ASTN2: variants seen among roughly 807,000 people sequenced by gnomAD.
ASTN2 encodes astrotactin 2.
In ASTN2, 54 loss-of-function variants were observed where a neutral mutation model predicts 139.8. That is an observed-to-expected ratio of 0.39 (90% CI 0.31 to 0.48). The LOEUF (loss-of-function observed/expected upper bound fraction) is 0.48. ASTN2 is among the 20% of genes least tolerant of loss of function. The pLI is 0.95. For synonymous variants in ASTN2, 756 were observed against 719.5 expected, an observed-to-expected ratio of 1.05 and a Z score of -0.81; for missense variants, 1,565 against 1,725.1, an observed-to-expected ratio of 0.91 and a Z score of 1.64.
At chr9:116,701,037 A>C (rs1861145134) in intron 16 of ASTN2, 1 of 167,068 alleles carries the variant, frequency 6.0e-6, no homozygotes, top group Non-Finnish European at 1.5e-5. Flanking sequence ...ACAAAAAGGA[A>C]GTTAGTCTTG....
intron 19 of ASTN2, among the ~76,000 whole-genome samples, chr9:116,597,295 ATCTAT>A (rs1398966340): frequency 1.4e-5 from 1 of 71,584 alleles, no homozygotes; most frequent in Non-Finnish European, 3.0e-5. Context: ...ATGACTTTTG[ATCTAT>A]TTTTTTTTTT....
chr9:116,494,704 T>C (rs1849618059), intron 19 of ASTN2, among the ~76,000 whole-genome samples: 1 of 152,226 alleles, frequency 6.6e-6, no homozygotes, highest in Non-Finnish European at 1.5e-5. Flanking sequence ...TAAAACCTAA[T>C]GAATTCAGTG....
intron 5 of ASTN2, among the ~76,000 whole-genome samples, chr9:117,074,136 G>A (rs1828212075): frequency 6.6e-6 from 1 of 152,076 alleles, no homozygotes; most frequent in Non-Finnish European, 1.5e-5. Flanking sequence ...GGGTTATCTG[G>A]GATTCTTATT....
chr9:117,369,584 G>C (rs1829937048), intron 1 of ASTN2, among the ~76,000 whole-genome samples: 1 of 152,024 alleles, frequency 6.6e-6, no homozygotes, highest in Non-Finnish European at 1.5e-5. Flanking sequence ...AAAGTCATCT[G>C]TCTACTATCT....
chr9:116,427,252 A>G (rs1847338854), intron 22 of ASTN2, among the ~76,000 whole-genome samples: 1 of 152,084 alleles, frequency 6.6e-6, no homozygotes, highest in African/African-American at 2.4e-5. Flanking sequence ...AAGTGTGAAA[A>G]TTCTTTAGAC....
intron 11 of ASTN2, among the ~76,000 whole-genome samples, chr9:116,859,165 T>G (rs560539582): frequency 6.6e-6 from 1 of 152,350 alleles, no homozygotes; most frequent in East Asian, 1.9e-4. Flanking sequence ...ATTCAAGATA[T>G]TCTCGCTCTT....
chr9:117,240,645 G>A (rs1164185746), intron 2 of ASTN2, among the ~76,000 whole-genome samples: 1 of 152,166 alleles, frequency 6.6e-6, no homozygotes, highest in Non-Finnish European at 1.5e-5. Flanking sequence ...CTACCCCATA[G>A]ATAAACCTTC....
chr9:116,539,452 A>G lies in ASTN2; in HGVS notation c.3356-51952T>C, dbSNP rs1001410532. The stretch of plus-strand genomic sequence containing the variant: ...AGAGAGGACAATAGTATATGGAAAA[A>G]AAATTTAAAGACTGAGTCAAAAAGT... On this transcript the variant is annotated intron_variant, in intron 19 of 22. Coordinates refer to ENST00000313400, the MANE Select transcript of ASTN2 (RefSeq NM_001365068.1). Among the ~76,000 whole-genome samples the G allele has an allele frequency of 8.5e-5, 13 of 152,218 alleles. 1 individual carries two copies.
intron 13 of ASTN2, among the ~76,000 whole-genome samples, chr9:116,804,601 G>T (rs1212894021): frequency 6.6e-6 from 1 of 152,010 alleles, no homozygotes; most frequent in Non-Finnish European, 1.5e-5. Flanking sequence ...TTAGTAGTTA[G>T]TAGTAAAGAA....
intron 6 of ASTN2, among the ~76,000 whole-genome samples, chr9:117,028,800 C>G (rs1838169951): frequency 6.6e-6 from 1 of 152,158 alleles, no homozygotes; most frequent in African/African-American, 2.4e-5. Flanking sequence ...AATGTGATGG[C>G]TGCATAAGGA....
chr9:117,364,417 G>A (rs1332869729), intron 1 of ASTN2, among the ~76,000 whole-genome samples: 1 of 152,212 alleles, frequency 6.6e-6, no homozygotes, highest in African/African-American at 2.4e-5. Flanking sequence ...TGGGCCAGGT[G>A]AGTCTTTCTG....
At chr9:116,445,801 G>C (rs1161754230) in intron 20 of ASTN2, among the ~76,000 whole-genome samples, 1 of 152,206 alleles carries the variant, frequency 6.6e-6, no homozygotes, top group Non-Finnish European at 1.5e-5. Context: ...AATAGGCCCA[G>C]TTCAATCTTT....
chr9:116,805,842 A>G (rs1311687768), intron 12 of ASTN2, 22 bp from the exon 13 acceptor site: 1 of 1,607,118 alleles, frequency 6.2e-7, no homozygotes, highest in African/African-American at 1.3e-5. Flanking sequence ...AACAGAGCTC[A>G]GAATTAGCTT....
intron 16 of ASTN2, among the ~76,000 whole-genome samples, chr9:116,710,456 G>T (rs1447665550): frequency 6.6e-6 from 1 of 151,578 alleles, no homozygotes; most frequent in Non-Finnish European, 1.5e-5. Flanking sequence ...CAGACCAGGT[G>T]CAGTGAGCTC....
chr9:116,970,281 A>G (rs977865512), intron 10 of ASTN2, among the ~76,000 whole-genome samples: 3 of 152,198 alleles, frequency 2.0e-5, no homozygotes, highest in African/African-American at 7.2e-5. Context: ...TTTGGGGATC[A>G]TTATCAGTCT....
intron 3 of ASTN2, among the ~76,000 whole-genome samples, chr9:117,166,121 T>C (rs1210142430): frequency 6.6e-6 from 1 of 152,078 alleles, no homozygotes; most frequent in African/African-American, 2.4e-5. Context: ...TTGAGGCTTA[T>C]CAATAAAATT....
At chr9:116,904,286 C>T (rs1348233227) in intron 10 of ASTN2, among the ~76,000 whole-genome samples, 1 of 152,160 alleles carries the variant, frequency 6.6e-6, no homozygotes, top group Non-Finnish European at 1.5e-5. Flanking sequence ...GCAGAAGGCT[C>T]CTATGTCCTC....
At chr9:116,530,129 AT>A (rs1851271449) in intron 19 of ASTN2, among the ~76,000 whole-genome samples, 4 of 33,270 alleles carry the variant, frequency 1.2e-4, no homozygotes, top group Admixed American at 2.5e-4. Flanking sequence ...ATATATATAT[AT>A]ATATATATAT....
rs1370888359 is a variant in ASTN2 at position 117,167,917 on chromosome 9, C to T, written c.1016-26439G>A. Reference sequence around the variant, plus strand: ...TAGCCTAAGAGCAATGTTTTATAGCCATGGAGGTGATAAGAACTGATCTAA... The same window carrying T: ...TAGCCTAAGAGCAATGTTTTATAGCTATGGAGGTGATAAGAACTGATCTAA... On this transcript the variant is annotated intron_variant, in intron 3 of 22. Transcript: ENST00000313400. Among the ~76,000 whole-genome samples the T allele has an allele frequency of 3.9e-5, 6 of 152,108 alleles. No homozygotes were observed. The East Asian group carries it at 7.8e-4, about 20-fold the overall frequency.
Sources: allele counts gnomAD v4.1 joint callset (sites outside exome capture counted in the v4.1 genomes callset), GRCh38; gene constraint gnomAD v4.1.1; transcripts MANE v1.5; gene names NCBI Gene and HGNC (gene_info 2026-07-23, HGNC 2026-07-21).